CNTNAP2: variants seen among roughly 807,000 people sequenced by gnomAD.
The protein encoded by CNTNAP2 is contactin associated protein 2, also known as contactin-associated protein-like 2.
In CNTNAP2, 98 loss-of-function variants were observed where a neutral mutation model predicts 155.2. The observed-to-expected ratio is 0.63, with a 90% CI of 0.54 to 0.75. The LOEUF (loss-of-function observed/expected upper bound fraction) is 0.75, where lower values mean the gene tolerates loss of function less well. CNTNAP2 is among the 30% of genes least tolerant of loss of function. CNTNAP2 has a pLI of 0.00. For synonymous variants in CNTNAP2, 651 were observed against 631.2 expected (o/e 1.03, Z -0.47); for missense variants, 1,727 against 1,688.1 (o/e 1.02, Z -0.40).
intron 1 of CNTNAP2, among the ~76,000 whole-genome samples, chr7:146,748,751 CAG>C (rs1173018371): frequency 2.6e-5 from 4 of 152,106 alleles, no homozygotes; most frequent in Non-Finnish European, 4.4e-5. Context: ...TGTGGTCAAA[CAG>C]AGATTAAATG....
At chr7:147,306,721 A>C (rs2116784660) in intron 9 of CNTNAP2, among the ~76,000 whole-genome samples, 1 of 152,330 alleles carries the variant, frequency 6.6e-6, no homozygotes, top group Middle Eastern at 3.4e-3. Context: ...CCCTCGGAGC[A>C]GGATTATACT....
intron 2 of CNTNAP2, among the ~76,000 whole-genome samples, chr7:146,800,053 A>G (rs1802846639): frequency 6.6e-6 from 1 of 152,196 alleles, no homozygotes; most frequent in Non-Finnish European, 1.5e-5. Flanking sequence ...TCTGAATAGT[A>G]GGGAATGCAT....
intron 9 of CNTNAP2, among the ~76,000 whole-genome samples, chr7:147,385,713 T>A (rs1163797096): frequency 6.6e-6 from 1 of 152,188 alleles, no homozygotes; most frequent in East Asian, 1.9e-4. Context: ...CAAGAGCTGG[T>A]GTTGAGTCTG....
rs181730443 is a variant in CNTNAP2 at position 148,085,117 on chromosome 7, C to A, written c.2384-33001C>A. On this transcript the variant is annotated intron_variant, in intron 15 of 23. Transcript: ENST00000361727. The stretch of plus-strand genomic sequence containing the variant: ...CTCAATTTATATTTAACAGCCATTA[C>A]TAAATGTAATATCTAAGTAAAACCC... Among the ~76,000 whole-genome samples, 260 of 152,242 alleles carry A rather than the reference C, an allele frequency of 1.7e-3. 2 individuals are homozygous for A. The highest frequency in any genetic ancestry group is 3.1e-3 in the Non-Finnish European group (214 of 68,002).
At chr7:147,026,641 C>T (rs1454390435) in intron 3 of CNTNAP2, among the ~76,000 whole-genome samples, 4 of 150,778 alleles carry the variant, frequency 2.7e-5, no homozygotes, top group Admixed American at 1.3e-4. Flanking sequence ...TATTTTTCCC[C>T]AGGATGCTAT....
intron 1 of CNTNAP2, among the ~76,000 whole-genome samples, chr7:146,660,140 G>GCCTC (rs1362305661): frequency 4.6e-5 from 7 of 152,178 alleles, no homozygotes; most frequent in Non-Finnish European, 1.0e-4. Flanking sequence ...TGGTAATAAG[G>GCCTC]GAGGGCAATA....
chr7:146,272,184 C>G (rs1027718522), intron 1 of CNTNAP2, among the ~76,000 whole-genome samples: 1 of 152,118 alleles, frequency 6.6e-6, no homozygotes, highest in Non-Finnish European at 1.5e-5. Context: ...GAAGCAAACA[C>G]GTCCTTCTTC....
At chr7:146,657,477 A>G (rs965762278) in intron 1 of CNTNAP2, among the ~76,000 whole-genome samples, 2 of 152,110 alleles carry the variant, frequency 1.3e-5, no homozygotes, top group Non-Finnish European at 2.9e-5. Flanking sequence ...AGCTACTTCA[A>G]AAAACAAGTT....
intron 1 of CNTNAP2, among the ~76,000 whole-genome samples, chr7:146,505,015 T>A (rs1193270397): frequency 1.3e-5 from 2 of 152,210 alleles, no homozygotes; most frequent in African/African-American, 2.4e-5. Context: ...GCACCTTGTG[T>A]TCTCCCACTA....
intron 3 of CNTNAP2, among the ~76,000 whole-genome samples, chr7:146,949,798 C>T (rs1383763216): frequency 6.6e-6 from 1 of 152,166 alleles, no homozygotes; most frequent in Non-Finnish European, 1.5e-5. Flanking sequence ...GGACTCTTAA[C>T]ATTTCTCCCT....
intron 1 of CNTNAP2, among the ~76,000 whole-genome samples, chr7:146,267,486 C>T (rs1351035751): frequency 6.6e-6 from 1 of 151,962 alleles, no homozygotes; most frequent in Non-Finnish European, 1.5e-5. Flanking sequence ...ATGTTTGTGT[C>T]CCCAACATTT....
chr7:146,851,473 G>T (rs1169784482), intron 3 of CNTNAP2, among the ~76,000 whole-genome samples: 1 of 152,000 alleles, frequency 6.6e-6, no homozygotes, highest in Non-Finnish European at 1.5e-5. Flanking sequence ...TAAACTGGGT[G>T]GCTCAAACAA....
chr7:147,004,308 T>C (rs982562742), intron 3 of CNTNAP2, among the ~76,000 whole-genome samples: 5 of 150,098 alleles, frequency 3.3e-5, no homozygotes, highest in African/African-American at 1.2e-4. Flanking sequence ...GATAATATAA[T>C]TGAAACTTAA....
chr7:148,267,887 A>G (rs1159602100), intron 21 of CNTNAP2, among the ~76,000 whole-genome samples: 1 of 152,170 alleles, frequency 6.6e-6, no homozygotes, highest in African/African-American at 2.4e-5. Context: ...GCATATCAAC[A>G]TGATTCTATC....
intron 1 of CNTNAP2, among the ~76,000 whole-genome samples, chr7:146,364,410 A>C (rs1305024787): frequency 1.3e-5 from 2 of 151,970 alleles, no homozygotes; most frequent in African/African-American, 2.4e-5. Flanking sequence ...AGTTCTCTTC[A>C]CTCCTACTCT....
chr7:146,905,533 A>C (rs1455850650), intron 3 of CNTNAP2, among the ~76,000 whole-genome samples: 1 of 152,162 alleles, frequency 6.6e-6, no homozygotes, highest in Non-Finnish European at 1.5e-5. Context: ...CTTGATTTAT[A>C]AAGAAAGTGT....
chr7:147,400,312 T>A (rs1314777020), intron 10 of CNTNAP2, among the ~76,000 whole-genome samples: 2 of 152,154 alleles, frequency 1.3e-5, no homozygotes, highest in East Asian at 3.9e-4. Context: ...ATGGAGTGAG[T>A]CAGTCCTTGT....
Position 146,932,783 on chromosome 7 carries a change from T to C in CNTNAP2, c.402+92879T>C, listed in dbSNP as rs547576588. 3.6e-3 allele frequency among the ~76,000 whole-genome samples: 552 copies of C among 152,146 alleles called. 3 individuals are homozygous for C. Among genetic ancestry groups the C allele is most frequent in the African/African-American group, 0.012 (518 of 41,482 alleles). Reference sequence around the variant, plus strand: ...TGCACAAAAATCACAAGCATTCTTATACACCAATAACAGACAAACAGAGAG... The same window carrying C: ...TGCACAAAAATCACAAGCATTCTTACACACCAATAACAGACAAACAGAGAG... On this transcript the variant is annotated intron_variant, in intron 3 of 23. Transcript: ENST00000361727.
intron 1 of CNTNAP2, among the ~76,000 whole-genome samples, chr7:146,627,139 A>T (rs6954856): frequency 0.035 from 5,269 of 152,178 alleles, 311 homozygotes; most frequent in African/African-American, 0.12. Context: ...GAGCTTGTAC[A>T]GGGAAACTCC....
Sources: gnomAD v4.1 joint callset for allele counts (sites outside exome capture counted in the v4.1 genomes callset) on GRCh38, gnomAD v4.1.1 for gene constraint, MANE v1.5 for transcripts, NCBI Gene and HGNC (gene_info 2026-07-23, HGNC 2026-07-21) for gene names.